CCDC73: variants seen among roughly 807,000 people sequenced by gnomAD.
CCDC73 encodes the protein coiled-coil domain containing 73.
In CCDC73, 95 loss-of-function variants were observed where a neutral mutation model predicts 116.5. That is an observed-to-expected ratio of 0.82 (90% CI 0.69 to 0.97). CCDC73 has a LOEUF of 0.97. Ranked by LOEUF, CCDC73 falls within the 50% of genes least tolerant of loss-of-function variation. CCDC73 has a pLI of 0.00. For synonymous variants in CCDC73, 398 were observed against 401.3 expected (o/e 0.99, Z 0.10); for missense variants, 1,066 against 1,206.8 (o/e 0.88, Z 1.73).
the CCDC73 span, among the ~76,000 whole-genome samples, chr11:32,823,141 G>A: frequency 2.0e-5 from 3 of 151,884 alleles, no homozygotes; most frequent in African/African-American, 7.3e-5. Context: ...ATGAAAGACA[G>A]ATCAATATTC....
chr11:32,827,103 A>T, the CCDC73 span, among the ~76,000 whole-genome samples: 1 of 152,084 alleles, frequency 6.6e-6, no homozygotes, highest in Non-Finnish European at 1.5e-5. Context: ...TGACCTCATG[A>T]TCTGCCCGCC....
the CCDC73 span, among the ~76,000 whole-genome samples, chr11:32,813,860 G>T: frequency 6.6e-6 from 1 of 152,048 alleles, no homozygotes; most frequent in South Asian, 2.1e-4. Flanking sequence ...TCTTCTTCAG[G>T]AGTGTCTTAA....
At chr11:32,701,105 C>T (rs936647329) in intron 4 of CCDC73, among the ~76,000 whole-genome samples, 1 of 152,176 alleles carries the variant, frequency 6.6e-6, no homozygotes, top group South Asian at 2.1e-4. Context: ...GATCTTCCCA[C>T]CTCGGTCTCC....
the CCDC73 span, among the ~76,000 whole-genome samples, chr11:32,803,052 G>A: frequency 6.6e-6 from 1 of 151,794 alleles, no homozygotes; most frequent in African/African-American, 2.4e-5. Context: ...TGGGATTACA[G>A]GCCTGAGCCA....
intron 2 of CCDC73, among the ~76,000 whole-genome samples, chr11:32,743,698 GCTCT>G (rs1284265844): frequency 1.3e-5 from 2 of 152,010 alleles, no homozygotes; most frequent in Admixed American, 6.6e-5. Flanking sequence ...TCATGACTTG[GCTCT>G]CTGTTTGTCT....
Position 32,613,491 on chromosome 11 carries a change from T to A in CCDC73, c.2827A>T (p.Lys943Ter). Residue 943 changes from lysine to a stop codon, truncating the protein, a stop_gained, in exon 16 of 18, where the codon AAA becomes TAA. Transcript: ENST00000335185. LOFTEE classifies it high-confidence loss of function. ...CAAAGAGCCATTGAAATGATCTTTT[T>A]GTTTTCTGATGGATCTAGTGGTCTC... ...KERPLDPSEN[K>*]KIISMALCKN... The A allele has an allele frequency of 1.2e-6, 2 of 1,614,170 alleles. No individual in the cohort carries two copies. The highest frequency in any genetic ancestry group is 2.2e-5 in the East Asian group (1 of 44,872).
chr11:32,662,663 T>C (rs2133272534), intron 9 of CCDC73, among the ~76,000 whole-genome samples: 1 of 152,348 alleles, frequency 6.6e-6, no homozygotes, highest in South Asian at 2.1e-4. Flanking sequence ...TGGTAGTTTC[T>C]TTTGGTGCGC....
rs144070131 is a variant in CCDC73 at position 32,783,305 on chromosome 11, G to A, written c.-16+11308C>T. Among the ~76,000 whole-genome samples, 1,521 of 152,250 alleles carry A rather than the reference G, an allele frequency of 1.0e-2. 29 individuals are homozygous for A. Among genetic ancestry groups the A allele is most frequent in the African/African-American group, 0.035 (1,438 of 41,554 alleles). ...GAATTTTAACAGCCATGTCAACAGT[G>A]AAGATAGAAGATATTTTCAGATATG... On this transcript the variant is annotated intron_variant, in intron 1 of 17. Transcript: ENST00000335185.
intron 9 of CCDC73, among the ~76,000 whole-genome samples, chr11:32,658,853 A>G (rs1375189410): frequency 6.6e-6 from 1 of 152,208 alleles, no homozygotes; most frequent in Non-Finnish European, 1.5e-5. Flanking sequence ...AGATGATTCT[A>G]GAGTGACTAA....
chr11:32,723,533 C>A (rs1850007367), intron 2 of CCDC73, among the ~76,000 whole-genome samples: 1 of 152,136 alleles, frequency 6.6e-6, no homozygotes, highest in Admixed American at 6.6e-5. Flanking sequence ...TACCCAGTTA[C>A]AATTTTGGCT....
intron 2 of CCDC73, among the ~76,000 whole-genome samples, chr11:32,718,636 C>T (rs1765041482): frequency 6.6e-6 from 1 of 152,158 alleles, no homozygotes; most frequent in African/African-American, 2.4e-5. Flanking sequence ...ACCATCTTCC[C>T]TATTTCCTCT....
the CCDC73 span, among the ~76,000 whole-genome samples, chr11:32,817,951 G>C: frequency 2.0e-5 from 3 of 152,186 alleles, no homozygotes; most frequent in Non-Finnish European, 2.9e-5. Context: ...ACTGAGCTGA[G>C]ATACAGTATC....
chr11:32,821,325 A>T, the CCDC73 span, among the ~76,000 whole-genome samples: 3 of 152,220 alleles, frequency 2.0e-5, no homozygotes, highest in African/African-American at 4.8e-5. Context: ...GCAATATTAA[A>T]TGTGTCCAAA....
chr11:32,656,928 T>C (rs984372325), intron 9 of CCDC73, among the ~76,000 whole-genome samples: 1 of 152,230 alleles, frequency 6.6e-6, no homozygotes, highest in African/African-American at 2.4e-5. Context: ...CATTATGTGA[T>C]TAGTATTTTC....
chr11:32,760,509 A>G (rs1400222133), intron 1 of CCDC73, among the ~76,000 whole-genome samples: 1 of 152,150 alleles, frequency 6.6e-6, no homozygotes, highest in African/African-American at 2.4e-5. Context: ...TTCTTCCCCT[A>G]AAGACCCATC....
chr11:32,804,350 C>T, the CCDC73 span, among the ~76,000 whole-genome samples: 20 of 152,174 alleles, frequency 1.3e-4, no homozygotes, highest in Non-Finnish European at 2.8e-4. Context: ...AAGCAGGTCT[C>T]GAACTCCTGG....
chr11:32,735,692 G>A (rs1344718494), intron 2 of CCDC73, among the ~76,000 whole-genome samples: 2 of 152,116 alleles, frequency 1.3e-5, no homozygotes, highest in Admixed American at 6.6e-5. Flanking sequence ...AGAAGAGCTC[G>A]CATTGCCAAG....
At chr11:32,672,138 T>C (rs148432497) in intron 9 of CCDC73, among the ~76,000 whole-genome samples, 2,001 of 152,202 alleles carry the variant, frequency 0.013, 21 homozygotes, top group Middle Eastern at 0.024. Flanking sequence ...GGTCAGGAGT[T>C]TGAGAACAGC....
chr11:32,731,591 C>T (rs181769787), intron 2 of CCDC73, among the ~76,000 whole-genome samples: 1 of 152,180 alleles, frequency 6.6e-6, no homozygotes, highest in African/African-American at 2.4e-5. Context: ...CAGGCAGCAA[C>T]ATTTGCTATT....
Sources: gnomAD v4.1 joint callset for allele counts (sites outside exome capture counted in the v4.1 genomes callset) on GRCh38, gnomAD v4.1.1 for gene constraint, MANE v1.5 for transcripts, NCBI Gene and HGNC (gene_info 2026-07-23, HGNC 2026-07-21) for gene names.